LRP1B: variants seen among roughly 807,000 people sequenced by gnomAD.
LRP1B encodes low-density lipoprotein receptor-related protein 1B.
LRP1B carries 217 observed loss-of-function variants against 556.6 expected under a neutral mutation model. The ratio of observed to expected loss-of-function variants is 0.39; its 90% CI spans 0.35 to 0.44. The LOEUF is 0.44. Ranked by LOEUF, LRP1B falls within the 20% of genes least tolerant of loss-of-function variation. The probability of loss-of-function intolerance (pLI) is 1.00; values close to 1 mark genes in which losing one functional copy is unlikely to be tolerated. For missense variants in LRP1B, 5,053 were observed against 5,620.8 expected (o/e 0.90, Z 3.23); for synonymous variants, 2,047 against 1,865.8 (o/e 1.10, Z -2.50).
intron 3 of LRP1B, among the ~76,000 whole-genome samples, chr2:141,305,004 T>G (rs1686533933): frequency 6.6e-6 from 1 of 152,218 alleles, no homozygotes; most frequent in Non-Finnish European, 1.5e-5. Context: ...TACTATATTT[T>G]GAAGACAGGT....
rs1226365332 is a variant in LRP1B, at chr2:141,229,335, T to A, written c.698A>T (p.Asn233Ile). ...KMATLSSVNG[N>I]EIHTLDFIYN... is the part of the protein sequence containing the mutation. Reference sequence around the variant, plus strand: ...AATAAAATCCAGAGTATGAATTTCATTTCCATTGACTGAGCTTAGAGTTGC... The same window carrying A: ...AATAAAATCCAGAGTATGAATTTCAATTCCATTGACTGAGCTTAGAGTTGC... The change falls in exon 6 of 91, where the codon AAT (asparagine) becomes ATT (isoleucine). Residue 233 changes from asparagine to isoleucine, a missense_variant. Coordinates refer to ENST00000389484, the MANE Select transcript of LRP1B (RefSeq NM_018557.3). The A allele has an allele frequency of 6.2e-7, 1 of 1,612,982 alleles. No individual in the cohort carries two copies. The highest frequency in any genetic ancestry group is 1.7e-5 in the Admixed American group (1 of 59,964).
intron 20 of LRP1B, among the ~76,000 whole-genome samples, chr2:140,930,052 A>T (rs1695005276): frequency 6.6e-6 from 1 of 152,054 alleles, no homozygotes; most frequent in Non-Finnish European, 1.5e-5. Flanking sequence ...TATGATGACC[A>T]TTCCAGCTTG....
At chr2:141,183,416 TCA>T (rs1046799093) in intron 7 of LRP1B, among the ~76,000 whole-genome samples, 1 of 152,072 alleles carries the variant, frequency 6.6e-6, no homozygotes, top group African/African-American at 2.4e-5. Flanking sequence ...CTTTAATTTC[TCA>T]GTCATTATTA....
chr2:141,503,476 C>T (rs545958716), intron 2 of LRP1B, among the ~76,000 whole-genome samples: 1 of 152,026 alleles, frequency 6.6e-6, no homozygotes, highest in African/African-American at 2.4e-5. Flanking sequence ...AAATCTGTTA[C>T]ATTATACGTA....
chr2:142,008,829 T>A (rs77148047), intron 1 of LRP1B, among the ~76,000 whole-genome samples: 3,884 of 152,166 alleles, frequency 0.026, 164 homozygotes, highest in East Asian at 0.16. Flanking sequence ...GGTATATAGT[T>A]GGTATTTCAT....
chr2:141,846,252 C>A (rs1323711734), intron 1 of LRP1B, among the ~76,000 whole-genome samples: 2 of 151,226 alleles, frequency 1.3e-5, no homozygotes, highest in African/African-American at 4.9e-5. Context: ...AAAGAATAAC[C>A]AAGTAGGCAT....
At chr2:140,413,457 C>T (rs529466337) in intron 66 of LRP1B, among the ~76,000 whole-genome samples, 16 of 152,206 alleles carry the variant, frequency 1.1e-4, no homozygotes, top group African/African-American at 1.9e-4. Flanking sequence ...TAAAAGACAA[C>T]GCTACACCTA....
chr2:141,924,428 C>A (rs1487152641), intron 1 of LRP1B, among the ~76,000 whole-genome samples: 2 of 152,122 alleles, frequency 1.3e-5, no homozygotes, highest in Non-Finnish European at 2.9e-5. Flanking sequence ...CCATGTGTAT[C>A]CCCATTCTTC....
rs1166951984 is a variant in LRP1B at position 142,017,023 on chromosome 2, G to A, written c.82+113625C>T. Among the ~76,000 whole-genome samples the A allele has an allele frequency of 4.0e-5, 6 of 151,628 alleles. No individual in the cohort carries two copies. In the South Asian group the frequency reaches 6.2e-4, roughly 16 times the overall value. On this transcript the variant is annotated intron_variant, in intron 1 of 90. Coordinates refer to ENST00000389484, the MANE Select transcript of LRP1B (RefSeq NM_018557.3). Reference sequence around the variant, plus strand: ...ATATATATATGAAAGAGTACGTGTGGATGTGAAGGGAAAGCAAGAAAGCTG... The same window carrying A: ...ATATATATATGAAAGAGTACGTGTGAATGTGAAGGGAAAGCAAGAAAGCTG...
intron 7 of LRP1B, among the ~76,000 whole-genome samples, chr2:141,166,667 C>CCA (rs909267146): frequency 6.6e-6 from 1 of 151,210 alleles, no homozygotes; most frequent in African/African-American, 2.4e-5. Flanking sequence ...TTAACCATCC[C>CCA]CACTTCCCCC....
At chr2:140,298,132 G>A (rs1490134066) in intron 83 of LRP1B, among the ~76,000 whole-genome samples, 163 bp from the exon 84 acceptor site, 1 of 152,104 alleles carries the variant, frequency 6.6e-6, no homozygotes, top group Non-Finnish European at 1.5e-5. Context: ...TTGGGTCTCA[G>A]TTTTTCATAT....
chr2:140,266,439 G>A (rs533673598), intron 86 of LRP1B, among the ~76,000 whole-genome samples: 1 of 152,040 alleles, frequency 6.6e-6, no homozygotes, highest in South Asian at 2.1e-4. Flanking sequence ...ATTCCTGCTT[G>A]AGATAGTACC....
intron 41 of LRP1B, among the ~76,000 whole-genome samples, chr2:140,635,977 C>A (rs1034711845): frequency 6.6e-6 from 1 of 152,054 alleles, no homozygotes; most frequent in Non-Finnish European, 1.5e-5. Context: ...CTAGCCATTT[C>A]TTTGAGGTCT....
intron 1 of LRP1B, among the ~76,000 whole-genome samples, chr2:141,945,894 C>T (rs1478868313): frequency 6.6e-6 from 1 of 152,058 alleles, no homozygotes. Context: ...AATTCGAATC[C>T]TTGCTAAGGG....
intron 43 of LRP1B, among the ~76,000 whole-genome samples, chr2:140,595,892 C>A (rs1682422295): frequency 6.6e-6 from 1 of 152,094 alleles, no homozygotes; most frequent in Admixed American, 6.5e-5. Context: ...AGTAAACTTC[C>A]AACTTTCATT....
At chr2:141,770,568 T>C (rs1387636847) in intron 2 of LRP1B, among the ~76,000 whole-genome samples, 1 of 152,242 alleles carries the variant, frequency 6.6e-6, no homozygotes, top group Non-Finnish European at 1.5e-5. Flanking sequence ...CTCTTTTTTA[T>C]TGCCAGAAAT....
intron 32 of LRP1B, among the ~76,000 whole-genome samples, chr2:140,808,513 A>G (rs1238805393): frequency 6.6e-6 from 1 of 152,070 alleles, no homozygotes; most frequent in Non-Finnish European, 1.5e-5. Flanking sequence ...CTCAGCCTCA[A>G]ATTTCACCCC....
intron 35 of LRP1B, among the ~76,000 whole-genome samples, chr2:140,764,571 A>G (rs1361816069): frequency 1.3e-5 from 2 of 152,196 alleles, no homozygotes; most frequent in Non-Finnish European, 2.9e-5. Context: ...GATGACATTC[A>G]CTGTATAAAC....
Position 140,525,885 on chromosome 2 carries a change from G to C in LRP1B, c.7985C>G (p.Ser2662Cys), listed in dbSNP as rs778978470. ...CVLPTWICDG[S>C]NDCGDYSDEL... is the part of the protein sequence containing the mutation. ...ATCTGAATAGTCTCCACAGTCATTA[G>C]ACCCGTCGCATATCCAGGTTGGCAG... is the stretch of plus-strand genomic sequence containing the variant. Residue 2662 changes from serine to cysteine, a missense_variant, in exon 49 of 91, where the codon TCT becomes TGT. By Grantham distance (112) the Ser-to-Cys change is moderately radical (BLOSUM62 -1). Transcript: ENST00000389484. 3.9e-5 allele frequency: 63 copies of C among 1,612,330 alleles called. No homozygotes were observed. The highest frequency in any genetic ancestry group is 5.1e-5 in the Non-Finnish European group (60 of 1,178,834).
Sources: allele counts gnomAD v4.1 joint callset (sites outside exome capture counted in the v4.1 genomes callset), GRCh38; gene constraint gnomAD v4.1.1; transcripts MANE v1.5; gene names NCBI Gene and HGNC (gene_info 2026-07-23, HGNC 2026-07-21).